KCNH5: variants seen among roughly 807,000 people sequenced by gnomAD.
KCNH5 encodes potassium voltage-gated channel subfamily H member 5, also known as voltage-gated delayed rectifier potassium channel KCNH5.
A neutral mutation model predicts 96.1 loss-of-function variants in KCNH5; 46 were observed. That is an observed-to-expected ratio of 0.48 (90% confidence interval 0.38 to 0.61). The LOEUF (loss-of-function observed/expected upper bound fraction) is 0.61. KCNH5 is among the 20% of genes least tolerant of loss of function. The probability of loss-of-function intolerance (pLI) is 0.00; values close to 1 mark genes in which losing one functional copy is unlikely to be tolerated. For missense variants in KCNH5, 907 were observed against 1,225.8 expected, an observed-to-expected ratio of 0.74 and a Z score of 3.88; for synonymous variants, 439 against 449.8, an observed-to-expected ratio of 0.98 and a Z score of 0.30.
At chr14:62,951,003 A>G (rs1889995364) in intron 6 of KCNH5, among the ~76,000 whole-genome samples, 1 of 152,222 alleles carries the variant, frequency 6.6e-6, no homozygotes, top group Non-Finnish European at 1.5e-5. Flanking sequence ...AGCTACAAAT[A>G]GCAGAACTCT....
At chr14:62,725,104 T>C (rs1884895319) in intron 10 of KCNH5, among the ~76,000 whole-genome samples, 1 of 152,246 alleles carries the variant, frequency 6.6e-6, no homozygotes, top group African/African-American at 2.4e-5. Context: ...TATATAATTG[T>C]TACCAAATCC....
chr14:62,985,552 T>A (rs1750589937), intron 5 of KCNH5, among the ~76,000 whole-genome samples: 1 of 152,214 alleles, frequency 6.6e-6, no homozygotes. Flanking sequence ...AACGTAGTGC[T>A]CAGCATAGTT....
chr14:62,847,296 G>A (rs1379278480), intron 8 of KCNH5, among the ~76,000 whole-genome samples: 1 of 151,758 alleles, frequency 6.6e-6, no homozygotes, highest in Non-Finnish European at 1.5e-5. Context: ...GTTTAGTATA[G>A]CATATGGTGT....
chr14:63,021,864 G>GT (rs1443594603), intron 1 of KCNH5, among the ~76,000 whole-genome samples: 1 of 152,066 alleles, frequency 6.6e-6, no homozygotes, highest in Admixed American at 6.6e-5. Flanking sequence ...CATTCCTCTA[G>GT]TTTTTTTGCA....
At chr14:62,899,354 A>C (rs1888875871) in intron 7 of KCNH5, among the ~76,000 whole-genome samples, 1 of 152,198 alleles carries the variant, frequency 6.6e-6, no homozygotes, top group East Asian at 1.9e-4. Context: ...GAAGACATCA[A>C]AATAGGAAAA....
chr14:62,777,051 T>C (rs552115904), intron 10 of KCNH5, among the ~76,000 whole-genome samples: 3 of 152,290 alleles, frequency 2.0e-5, no homozygotes, highest in African/African-American at 4.8e-5. Context: ...ACTAAAGACA[T>C]AGTTTTGGTT....
At chr14:62,864,936 C>A (rs951590563) in intron 7 of KCNH5, among the ~76,000 whole-genome samples, 3 of 152,084 alleles carry the variant, frequency 2.0e-5, no homozygotes, top group Non-Finnish European at 4.4e-5. Flanking sequence ...GAGGCTGTTG[C>A]CACAATCCCA....
intron 10 of KCNH5, among the ~76,000 whole-genome samples, chr14:62,732,482 T>C (rs1325994100): frequency 6.7e-6 from 1 of 149,050 alleles, no homozygotes; most frequent in African/African-American, 2.5e-5. Flanking sequence ...CCCATCCTGA[T>C]AAAGGAAAAA....
intron 9 of KCNH5, among the ~76,000 whole-genome samples, chr14:62,792,048 A>G (rs1886446544): frequency 6.6e-6 from 1 of 151,616 alleles, no homozygotes; most frequent in Non-Finnish European, 1.5e-5. Context: ...ATTATTTTAA[A>G]TGGACTTCAA....
rs1229712011 is a variant in KCNH5, at chr14:62,886,497, T to G, written c.1370-36645A>C. On this transcript the variant is annotated intron_variant, in intron 7 of 10. Coordinates refer to ENST00000322893, the MANE Select transcript of KCNH5 (RefSeq NM_139318.5). ...GGTTTCTTATGGCTTGAACCAGGAG[T>G]GGGGTGTGCATGTGTCTGGAAGCCC... Among the ~76,000 whole-genome samples the G allele has an allele frequency of 3.3e-5, 5 of 152,096 alleles. No homozygotes were observed. In the East Asian group the frequency reaches 7.7e-4, roughly 24 times the overall value.
intron 7 of KCNH5, among the ~76,000 whole-genome samples, chr14:62,886,311 T>C (rs2140081074): frequency 6.6e-6 from 1 of 152,344 alleles, no homozygotes; most frequent in Non-Finnish European, 1.5e-5. Flanking sequence ...TGCAATACTG[T>C]GTAGCACGTG....
At chr14:62,849,169 A>C (rs1028241540) in intron 8 of KCNH5, among the ~76,000 whole-genome samples, 1 of 152,214 alleles carries the variant, frequency 6.6e-6, no homozygotes, top group Non-Finnish European at 1.5e-5. Context: ...ATAAAGACTT[A>C]TAAGTTCTTT....
At chr14:62,928,132 C>G (rs1168770008) in intron 7 of KCNH5, among the ~76,000 whole-genome samples, 1 of 151,984 alleles carries the variant, frequency 6.6e-6, no homozygotes, top group Non-Finnish European at 1.5e-5. Flanking sequence ...CAATAGGAGA[C>G]CAGTGAACTA....
At chr14:62,981,306 C>T (rs762971648) in intron 5 of KCNH5, 42 bp from the exon 6 acceptor site, 3 of 1,581,066 alleles carry the variant, frequency 1.9e-6, no homozygotes, top group South Asian at 1.1e-5. Flanking sequence ...TAGGTTATCT[C>T]TGCACAGTCA....
chr14:63,001,226 C>T, intron 4 of KCNH5, 105 bp downstream of exon 4: 1 of 949,042 alleles, frequency 1.1e-6, no homozygotes, highest in Non-Finnish European at 1.5e-6. Context: ...AGAAAGGCCA[C>T]ATAGTAGAAT....
intron 7 of KCNH5, among the ~76,000 whole-genome samples, chr14:62,920,718 C>G (rs1439333498): frequency 6.6e-6 from 1 of 152,092 alleles, no homozygotes; most frequent in Non-Finnish European, 1.5e-5. Context: ...ATCATGAAAT[C>G]TGAAAGACCA....
intron 7 of KCNH5, among the ~76,000 whole-genome samples, chr14:62,941,888 C>T (rs1033330074): frequency 1.3e-5 from 2 of 152,176 alleles, no homozygotes; most frequent in Admixed American, 1.3e-4. Context: ...CCAAGTCCCA[C>T]TGGGCATGGT....
intron 10 of KCNH5, among the ~76,000 whole-genome samples, chr14:62,742,631 C>CGTCTTTA (rs1233821323): frequency 6.6e-6 from 1 of 152,010 alleles, no homozygotes; most frequent in Non-Finnish European, 1.5e-5. Flanking sequence ...GCTTTAAACA[C>CGTCTTTA]GTCTTTAACA....
chr14:62,946,205 T>C (rs1238226926), intron 7 of KCNH5, among the ~76,000 whole-genome samples: 1 of 152,106 alleles, frequency 6.6e-6, no homozygotes, highest in Non-Finnish European at 1.5e-5. Flanking sequence ...ATGTTATTAA[T>C]AGATGTAACA....
Sources: allele counts gnomAD v4.1 joint callset (sites outside exome capture counted in the v4.1 genomes callset), GRCh38; gene constraint gnomAD v4.1.1; transcripts MANE v1.5; gene names NCBI Gene and HGNC (gene_info 2026-07-23, HGNC 2026-07-21).